Variants in RUNX1 observed in about 807,000 individuals in gnomAD.
RUNX1 encodes the protein runt-related transcription factor 1.
In RUNX1, 19 loss-of-function variants were observed where a neutral mutation model predicts 42.8. That is an observed-to-expected ratio of 0.44 (90% CI 0.31 to 0.65). The LOEUF (loss-of-function observed/expected upper bound fraction) is 0.65. Ranked by LOEUF, RUNX1 falls within the 30% of genes least tolerant of loss-of-function variation. The pLI, the probability that RUNX1 is intolerant of heterozygous loss-of-function variation, is 0.07. For missense variants in RUNX1, 528 were observed against 672.0 expected (o/e 0.79, Z 2.37); for synonymous variants, 271 against 289.4 (o/e 0.94, Z 0.64).
At chr21:34,955,457 G>C (rs1252752352) in intron 2 of RUNX1, among the ~76,000 whole-genome samples, 1 of 152,046 alleles carries the variant, frequency 6.6e-6, no homozygotes, top group Non-Finnish European at 1.5e-5. Context: ...TCCATGAAGG[G>C]GAAAAAGGGA....
rs184932529 is a variant in RUNX1 at position 34,837,915 on chromosome 21, G to A, written c.614-3314C>T. On this transcript the variant is annotated intron_variant, in intron 6 of 8. Coordinates refer to ENST00000675419, the MANE Select transcript of RUNX1 (RefSeq NM_001754.5). ...CTTCTAGTACCATTTTCTCATTTTTGAAAAAAATGAAAGTACTTGCTTGGA... is the reference window on the plus strand; with the variant it reads ...CTTCTAGTACCATTTTCTCATTTTTAAAAAAAATGAAAGTACTTGCTTGGA... Among the ~76,000 whole-genome samples, 3 of 151,760 alleles carry A rather than the reference G, an allele frequency of 2.0e-5. No homozygotes were observed. The East Asian group carries it at 5.8e-4, about 29-fold the overall frequency.
chr21:35,038,611 CTCTGTG>C (rs1345652396), intron 2 of RUNX1: 29 of 301,712 alleles, frequency 9.6e-5, no homozygotes, highest in Admixed American at 2.7e-4. Context: ...CTCTCTCTCT[CTCTGTG>C]TGTGTGTGTG....
intron 6 of RUNX1, among the ~76,000 whole-genome samples, chr21:34,857,205 G>A (rs1044891728): frequency 3.3e-5 from 5 of 152,180 alleles, no homozygotes; most frequent in Admixed American, 6.5e-5. Context: ...GGAAGACTGT[G>A]TAAAAATGGA....
chr21:34,944,070 G>A (rs1311971142), intron 2 of RUNX1, among the ~76,000 whole-genome samples: 3 of 152,156 alleles, frequency 2.0e-5, no homozygotes, highest in Admixed American at 6.5e-5. Context: ...GTGCAGTGGT[G>A]TGATCACAGC....
chr21:34,802,966 C>T lies in RUNX1; in HGVS notation c.806-3504G>A, dbSNP rs574379953. Among the ~76,000 whole-genome samples the T allele has an allele frequency of 2.0e-5, 3 of 152,278 alleles. No individual in the cohort carries two copies. The South Asian group carries it at 6.2e-4, about 32-fold the overall frequency. On this transcript the variant is annotated intron_variant, in intron 7 of 8. Coordinates refer to ENST00000675419, the MANE Select transcript of RUNX1 (RefSeq NM_001754.5). ...TGGCCATAGTAAATGCTCAATAAGT[C>T]TGAATAACCTTTATGATTGTATTAC...
At chr21:35,044,157 A>C (rs1242452693) in intron 2 of RUNX1, among the ~76,000 whole-genome samples, 1 of 152,186 alleles carries the variant, frequency 6.6e-6, no homozygotes, top group Admixed American at 6.5e-5. Flanking sequence ...CTTAGGGTGG[A>C]CTGAGTTACC....
intron 2 of RUNX1, among the ~76,000 whole-genome samples, chr21:34,893,244 A>G (rs1477458662): frequency 1.3e-5 from 2 of 152,210 alleles, no homozygotes; most frequent in African/African-American, 4.8e-5. Context: ...GTGTGTGATT[A>G]AAATGTGATT....
At chr21:34,877,550 TA>T (rs982687387) in intron 5 of RUNX1, among the ~76,000 whole-genome samples, 3 of 152,072 alleles carry the variant, frequency 2.0e-5, no homozygotes, top group Admixed American at 6.5e-5. Flanking sequence ...AAGGGTGAGA[TA>T]CACTCTGAAC....
At chr21:34,884,830 A>T (rs769477225) in intron 4 of RUNX1, among the ~76,000 whole-genome samples, 3 of 152,146 alleles carry the variant, frequency 2.0e-5, no homozygotes, top group Non-Finnish European at 4.4e-5. Flanking sequence ...GATCTGCTTG[A>T]ACTTTTTTCA....
chr21:34,843,763 A>G lies in RUNX1; in HGVS notation c.614-9162T>C, dbSNP rs2057277621. 6.6e-6 allele frequency among the ~76,000 whole-genome samples: 1 copy of G among 151,980 alleles called. No individual in the cohort carries two copies. The highest frequency in any genetic ancestry group is 1.5e-5 in the Non-Finnish European group (1 of 68,014). ...CCTGAGTCCAGGGCTCATTGCCACGAGCAGTGGAGTTTTTCGCCCACTCAC... is the reference window on the plus strand; with the variant it reads ...CCTGAGTCCAGGGCTCATTGCCACGGGCAGTGGAGTTTTTCGCCCACTCAC... On this transcript the variant is annotated intron_variant, in intron 6 of 8. Coordinates refer to ENST00000675419, the MANE Select transcript of RUNX1 (RefSeq NM_001754.5). The surrounding 1 kb of genome is among the most constrained non-coding windows in gnomAD (Gnocchi z 4.8).
intron 7 of RUNX1, among the ~76,000 whole-genome samples, chr21:34,827,988 G>A (rs112568987): frequency 0.024 from 3,644 of 152,284 alleles, 142 homozygotes; most frequent in African/African-American, 0.082. Flanking sequence ...CACTAAGGCT[G>A]TGCCTAATGG....
rs926110722 is a variant in RUNX1, at chr21:34,788,908, C to T, written c.*3227G>A. 1 of 233,288 alleles carries T rather than the reference C, an allele frequency of 4.3e-6. No homozygotes were observed. The highest frequency in any genetic ancestry group is 8.5e-6 in the Non-Finnish European group (1 of 118,046). The allele number at this position is 233,288 out of a possible 1,614,324, so 14.5% of individuals were successfully genotyped here. ...AATAAAAATCATCAGGACGGAATGT[C>T]CCAAAGAAACAGGTATTTCAAGGCA... On this transcript the variant is annotated 3_prime_UTR_variant, in exon 9 of 9. Transcript: ENST00000675419.
At chr21:35,009,431 C>A (rs1437417202) in intron 2 of RUNX1, among the ~76,000 whole-genome samples, 1 of 152,206 alleles carries the variant, frequency 6.6e-6, no homozygotes, top group African/African-American at 2.4e-5. Context: ...TGAGGCACTA[C>A]AAGCCCATGA....
intron 5 of RUNX1, 21 bp downstream of exon 5, chr21:34,880,534 CAT>C: frequency 1.2e-6 from 2 of 1,613,224 alleles, no homozygotes; most frequent in Non-Finnish European, 1.7e-6. Context: ...GTGTTTCAAG[CAT>C]AGTTTTGACA....
intron 7 of RUNX1, among the ~76,000 whole-genome samples, chr21:34,816,594 G>A (rs1054369726): frequency 9.9e-5 from 15 of 152,272 alleles, no homozygotes; most frequent in Admixed American, 3.3e-4. Context: ...GTCAGGAGTC[G>A]GGAAGGGAGT....
intron 2 of RUNX1, among the ~76,000 whole-genome samples, chr21:34,906,806 A>G (rs2058223791): frequency 6.6e-6 from 1 of 152,246 alleles, no homozygotes; most frequent in Non-Finnish European, 1.5e-5. Flanking sequence ...GTACAAGGAA[A>G]GGAACTGCTT....
At chr21:34,912,501 C>T (rs530396113) in intron 2 of RUNX1, among the ~76,000 whole-genome samples, 4 of 152,116 alleles carry the variant, frequency 2.6e-5, no homozygotes, top group East Asian at 1.9e-4. Context: ...CATATTGCAC[C>T]GATGTTTTGG....
chr21:35,001,583 G>A (rs2059044704), intron 2 of RUNX1, among the ~76,000 whole-genome samples: 2 of 151,980 alleles, frequency 1.3e-5, no homozygotes, highest in Non-Finnish European at 2.9e-5. Context: ...CCTAAGATCA[G>A]GAACAAGACA....
At chr21:34,908,678 T>A (rs1035833699) in intron 2 of RUNX1, among the ~76,000 whole-genome samples, 5 of 152,162 alleles carry the variant, frequency 3.3e-5, no homozygotes, top group Non-Finnish European at 7.3e-5. Flanking sequence ...ATAACACAGT[T>A]TCACACCCTG....
Sources: gnomAD v4.1 joint callset for allele counts (sites outside exome capture counted in the v4.1 genomes callset) on GRCh38, gnomAD v4.1.1 for gene constraint, Gnocchi (gnomAD v3.1) non-coding constraint, MANE v1.5 for transcripts, NCBI Gene and HGNC (gene_info 2026-07-23, HGNC 2026-07-21) for gene names.